Variants in IMPG1 observed in about 807,000 individuals in gnomAD.
The protein encoded by IMPG1 is interphotoreceptor matrix proteoglycan 1.
A neutral mutation model predicts 92.0 loss-of-function variants in IMPG1; 85 were observed. The ratio of observed to expected loss-of-function variants is 0.92; its 90% CI spans 0.78 to 1.11. IMPG1 has a LOEUF of 1.11. Among genes scored for constraint, IMPG1 ranks in the 50% least tolerant of loss-of-function variants. The pLI is 0.00. For synonymous variants in IMPG1, 367 were observed against 334.1 expected (o/e 1.10, Z -1.08); for missense variants, 1,022 against 956.0 (o/e 1.07, Z -0.91).
At chr6:76,028,785 C>A (rs1223627298) in intron 4 of IMPG1, among the ~76,000 whole-genome samples, 1 of 152,092 alleles carries the variant, frequency 6.6e-6, no homozygotes, top group Non-Finnish European at 1.5e-5. Context: ...TGCCACTGCA[C>A]TCCAGCCTGG....
At chr6:75,998,850 T>C (rs1782940581) in intron 12 of IMPG1, among the ~76,000 whole-genome samples, 2 of 152,184 alleles carry the variant, frequency 1.3e-5, no homozygotes, top group Non-Finnish European at 2.9e-5. Context: ...ATGACTCATT[T>C]TTATGAAATA....
chr6:76,071,071 TATTTC>T (rs1373271208), intron 1 of IMPG1, among the ~76,000 whole-genome samples: 1 of 150,592 alleles, frequency 6.6e-6, no homozygotes, highest in African/African-American at 2.4e-5. Context: ...TTGATAAGCT[TATTTC>T]ATTTCAATTC....
At chr6:76,072,194 C>A (rs1484342067) in intron 1 of IMPG1, among the ~76,000 whole-genome samples, 1 of 152,052 alleles carries the variant, frequency 6.6e-6, no homozygotes, top group Admixed American at 6.6e-5. Flanking sequence ...GCATTCATCT[C>A]TCCTATTTTG....
At chr6:76,065,454 T>C (rs557478172) in intron 1 of IMPG1, among the ~76,000 whole-genome samples, 1 of 151,842 alleles carries the variant, frequency 6.6e-6, no homozygotes, top group African/African-American at 2.4e-5. Flanking sequence ...CTGTAAAAAG[T>C]TTTAACAATA....
At chr6:75,983,234 A>C (rs1052612197) in intron 12 of IMPG1, among the ~76,000 whole-genome samples, 24 of 152,014 alleles carry the variant, frequency 1.6e-4, no homozygotes, top group African/African-American at 5.1e-4. Flanking sequence ...AAGCAATCCT[A>C]TAGCAACTTT....
chr6:76,009,015 T>A (rs550476231), intron 8 of IMPG1, among the ~76,000 whole-genome samples: 46 of 152,342 alleles, frequency 3.0e-4, no homozygotes, highest in South Asian at 6.2e-4. Flanking sequence ...CGAAGTTATT[T>A]TGAGATGCAC....
chr6:76,025,374 C>T (rs1243043530), intron 4 of IMPG1, 116 bp from the exon 5 acceptor site: 2 of 500,386 alleles, frequency 4.0e-6, no homozygotes, highest in Admixed American at 3.5e-5. Flanking sequence ...GAAAAGCATA[C>T]TTTAAAACTA....
At chr6:76,015,990 G>C (rs1167383408) in intron 7 of IMPG1, among the ~76,000 whole-genome samples, 2 of 152,036 alleles carry the variant, frequency 1.3e-5, no homozygotes. Flanking sequence ...AATAAAAGTG[G>C]CACCGTTGGA....
intron 1 of IMPG1, among the ~76,000 whole-genome samples, chr6:76,064,349 A>G (rs1784266121): frequency 6.9e-6 from 1 of 145,678 alleles, no homozygotes; most frequent in Non-Finnish European, 1.5e-5. Context: ...GTGGAGAGCC[A>G]TGGGGCAACC....
At chr6:76,006,568 G>A (rs150923205) in intron 9 of IMPG1, among the ~76,000 whole-genome samples, 203 of 150,498 alleles carry the variant, frequency 1.3e-3, no homozygotes, top group African/African-American at 4.7e-3. Context: ...ATATACATAT[G>A]TGTTGTAACC....
At chr6:76,025,782 T>C (rs1365167322) in intron 4 of IMPG1, among the ~76,000 whole-genome samples, 1 of 152,212 alleles carries the variant, frequency 6.6e-6, no homozygotes, top group African/African-American at 2.4e-5. Flanking sequence ...AGCCACTGTC[T>C]GTAATGGTAA....
At chr6:76,039,866 G>A (rs2149489663) in intron 2 of IMPG1, among the ~76,000 whole-genome samples, 1 of 152,334 alleles carries the variant, frequency 6.6e-6, no homozygotes. Context: ...CTACCACAAA[G>A]CTCAGAACAT....
chr6:76,038,477 A>T (rs1041035154), intron 2 of IMPG1, among the ~76,000 whole-genome samples: 1 of 151,532 alleles, frequency 6.6e-6, no homozygotes, highest in Non-Finnish European at 1.5e-5. Flanking sequence ...GGAGGCATAG[A>T]CTCTTTCCAT....
At position 75,931,074 on chromosome 6, in the gene IMPG1, C is replaced by T; in HGVS notation, c.2122G>A (p.Ala708Thr). ...TATCCTGGTTTGCAGCGACACTCCG[C>T]TTCCTCAGTCCGTTCGTTCTTTACA... ...QCVKNERTEE[A>T]ECRCKPGYDS... The change falls in exon 15 of 17, where the codon GCG becomes ACG. Residue 708 changes from alanine (A) to threonine (T), a missense_variant. By Grantham distance (58) the Ala-to-Thr change is moderately conservative. Coordinates refer to ENST00000369950, the MANE Select transcript of IMPG1 (RefSeq NM_001563.4). 6.2e-7 allele frequency: 1 copy of T among 1,614,212 alleles called. No individual in the cohort carries two copies. The highest frequency in any genetic ancestry group is 1.7e-5 in the Admixed American group (1 of 60,030).
At chr6:75,976,017 G>T (rs994727486) in intron 12 of IMPG1, among the ~76,000 whole-genome samples, 3 of 152,002 alleles carry the variant, frequency 2.0e-5, no homozygotes, top group Non-Finnish European at 4.4e-5. Context: ...CAAACGGTAG[G>T]TTGGATTTGG....
chr6:75,950,913 T>C lies in IMPG1; in HGVS notation c.1473A>G (p.Gln491=). The change falls in exon 13 of 17, where the codon CAA becomes CAG. Residue 491 remains glutamine (Q), a synonymous_variant. Transcript: ENST00000369950. The part of the protein sequence containing the change: ...IPTSDYSAIS[Q]LALGISHPPA... ...GTGGATGTGAAATTCCCAGAGCCAG[T>C]TGGCTGATTGCAGAATAATCACTGG... 1 of 1,613,996 alleles carries C rather than the reference T, an allele frequency of 6.2e-7. No homozygotes were observed.
intron 12 of IMPG1, among the ~76,000 whole-genome samples, chr6:75,971,248 C>A (rs1003943883): frequency 3.4e-5 from 5 of 146,050 alleles, no homozygotes; most frequent in Non-Finnish European, 7.4e-5. Context: ...TGTTCTCACT[C>A]ATAGGTGGGA....
intron 15 of IMPG1, among the ~76,000 whole-genome samples, chr6:75,928,255 A>T (rs1011097472): frequency 6.6e-6 from 1 of 151,030 alleles, no homozygotes; most frequent in African/African-American, 2.4e-5. Context: ...GCTGGAGTGC[A>T]ATGGCGTGAT....
intron 15 of IMPG1, among the ~76,000 whole-genome samples, chr6:75,924,114 GAGAAA>G (rs1307796871): frequency 4.6e-5 from 7 of 151,808 alleles, no homozygotes; most frequent in African/African-American, 1.7e-4. Flanking sequence ...CGAGGATGTG[GAGAAA>G]AGGGAACCTT....
Sources: allele counts gnomAD v4.1 joint callset (sites outside exome capture counted in the v4.1 genomes callset), GRCh38; gene constraint gnomAD v4.1.1; transcripts MANE v1.5; gene names NCBI Gene and HGNC (gene_info 2026-07-23, HGNC 2026-07-21).